OCA2: variants seen among roughly 807,000 people sequenced by gnomAD.
OCA2 encodes OCA2 melanosomal transmembrane protein.
OCA2 carries 77 observed loss-of-function variants against 100.2 expected under a neutral mutation model. That is an observed-to-expected ratio of 0.77 (90% CI 0.64 to 0.93). The LOEUF (loss-of-function observed/expected upper bound fraction) is 0.93. Among genes scored for constraint, OCA2 ranks in the 40% least tolerant of loss-of-function variants. The pLI is 0.00. For missense variants in OCA2, 1,062 were observed against 1,089.1 expected (o/e 0.98, Z 0.35); for synonymous variants, 432 against 439.2 (o/e 0.98, Z 0.21).
chr15:27,777,920 ACT>A (rs2032328419), intron 23 of OCA2, among the ~76,000 whole-genome samples: 1 of 152,168 alleles, frequency 6.6e-6, no homozygotes, highest in Non-Finnish European at 1.5e-5. Flanking sequence ...GGTACTCGTG[ACT>A]CTTTCTCAGA....
chr15:27,742,461 A>G, the OCA2 span, among the ~76,000 whole-genome samples: 1 of 152,136 alleles, frequency 6.6e-6, no homozygotes, highest in African/African-American at 2.4e-5. Flanking sequence ...GACAAAAGCC[A>G]ATCACCTCCC....
intron 1 of OCA2, among the ~76,000 whole-genome samples, chr15:28,094,918 C>A (rs548435158): frequency 4.0e-4 from 61 of 152,362 alleles, no homozygotes; most frequent in African/African-American, 1.4e-3. Flanking sequence ...GGCGCGGCGC[C>A]GGGCGTGGTC....
At chr15:28,076,569 C>T (rs1180110234) in intron 2 of OCA2, among the ~76,000 whole-genome samples, 2 of 152,018 alleles carry the variant, frequency 1.3e-5, no homozygotes, top group Admixed American at 6.6e-5. Context: ...ATAATTTGGC[C>T]GGGCGCGGTG....
chr15:27,735,239 C>G, the OCA2 span, among the ~76,000 whole-genome samples: 1 of 152,002 alleles, frequency 6.6e-6, no homozygotes, highest in African/African-American at 2.4e-5. Flanking sequence ...CAATAGAGAG[C>G]ATCAACGTTG....
chr15:27,917,685 C>G (rs1431445113), intron 19 of OCA2, among the ~76,000 whole-genome samples: 2 of 152,100 alleles, frequency 1.3e-5, no homozygotes, highest in Non-Finnish European at 2.9e-5. Context: ...AAGGTGAGGA[C>G]CTGTTACATA....
At chr15:27,813,023 G>A (rs553116587) in intron 23 of OCA2, among the ~76,000 whole-genome samples, 4 of 152,174 alleles carry the variant, frequency 2.6e-5, no homozygotes, top group African/African-American at 9.6e-5. Context: ...GTGTCCTACC[G>A]CACTCACATA....
At chr15:27,873,773 C>T (rs2036678868) in intron 19 of OCA2, among the ~76,000 whole-genome samples, 1 of 152,108 alleles carries the variant, frequency 6.6e-6, no homozygotes, top group African/African-American at 2.4e-5. Flanking sequence ...TAAATGATCT[C>T]TTAATTTAAA....
chr15:27,788,650 T>C (rs964825172), intron 23 of OCA2, among the ~76,000 whole-genome samples: 1 of 152,148 alleles, frequency 6.6e-6, no homozygotes, highest in African/African-American at 2.4e-5. Flanking sequence ...AAACCCTTTT[T>C]TAAAAATCTA....
intron 23 of OCA2, among the ~76,000 whole-genome samples, chr15:27,772,859 A>G (rs2151052654): frequency 6.7e-6 from 1 of 148,706 alleles, no homozygotes; most frequent in Non-Finnish European, 1.5e-5. Flanking sequence ...AAAAAAGGAA[A>G]AAAAGAAAAT....
intron 19 of OCA2, among the ~76,000 whole-genome samples, chr15:27,889,566 C>T (rs1344080907): frequency 6.6e-6 from 1 of 152,244 alleles, no homozygotes; most frequent in Admixed American, 6.5e-5. Flanking sequence ...CTCCTTCACA[C>T]TTCTGAGTCA....
At chr15:28,073,018 A>G (rs1182669914) in intron 2 of OCA2, among the ~76,000 whole-genome samples, 2 of 152,254 alleles carry the variant, frequency 1.3e-5, no homozygotes, top group East Asian at 1.9e-4. Context: ...TGCACTATTC[A>G]TAATAACAAA....
rs758377459 is a variant in OCA2 at position 27,851,448 on chromosome 15, C to T, written c.2272G>A (p.Asp758Asn). Residue 758 changes from aspartate to asparagine, a missense_variant, in exon 22 of 24, where the codon GAC becomes AAC. Transcript: ENST00000354638. ...MIPVLLNLSHDPEVGLPAPPL... is the reference protein window; with the variant it reads ...MIPVLLNLSHNPEVGLPAPPL... ...GGTGCGGGCAGGCCAACCTCAGGGT[C>T]GTGGCTCAGGTTCAGGAGCACGGGA... 10 of 1,613,688 alleles carry T rather than the reference C, an allele frequency of 6.2e-6. No individual in the cohort carries two copies. Among genetic ancestry groups the T allele is most frequent in the South Asian group, 3.3e-5 (3 of 90,936 alleles).
chr15:28,090,404 C>CA (rs1415679177), intron 1 of OCA2, among the ~76,000 whole-genome samples: 3 of 152,142 alleles, frequency 2.0e-5, no homozygotes, highest in African/African-American at 7.2e-5. Context: ...AATATTCTTA[C>CA]AAAGTGCCTA....
intron 19 of OCA2, among the ~76,000 whole-genome samples, chr15:27,875,036 A>C (rs971344053): frequency 1.3e-5 from 2 of 152,224 alleles, no homozygotes; most frequent in African/African-American, 4.8e-5. Flanking sequence ...GTAAGTTAAG[A>C]AAATGACAAA....
intron 23 of OCA2, among the ~76,000 whole-genome samples, chr15:27,842,866 C>T (rs1408397159): frequency 6.6e-6 from 1 of 152,152 alleles, no homozygotes; most frequent in African/African-American, 2.4e-5. Flanking sequence ...CACTGCACAC[C>T]AAATGCAAGA....
intron 19 of OCA2, among the ~76,000 whole-genome samples, chr15:27,888,514 G>GC (rs1400187806): frequency 6.6e-6 from 1 of 152,020 alleles, no homozygotes; most frequent in Non-Finnish European, 1.5e-5. Flanking sequence ...TTTTAAAGCA[G>GC]CCTTCCTAAA....
chr15:28,093,728 G>A (rs962489050), intron 1 of OCA2, among the ~76,000 whole-genome samples: 9 of 152,086 alleles, frequency 5.9e-5, no homozygotes, highest in African/African-American at 1.9e-4. Context: ...AATAGGCTGC[G>A]GTGCATGCAT....
At chr15:28,034,993 G>A (rs1314444863) in intron 2 of OCA2, among the ~76,000 whole-genome samples, 1 of 152,166 alleles carries the variant, frequency 6.6e-6, no homozygotes, top group East Asian at 1.9e-4. Flanking sequence ...GGAGAGTGGA[G>A]GCGCTATTGC....
chr15:27,996,118 A>C (rs2041719377), intron 9 of OCA2, among the ~76,000 whole-genome samples: 1 of 152,108 alleles, frequency 6.6e-6, no homozygotes, highest in Non-Finnish European at 1.5e-5. Flanking sequence ...GCCGCAACAC[A>C]CTCTTGAGCA....
Sources: allele counts gnomAD v4.1 joint callset (sites outside exome capture counted in the v4.1 genomes callset), GRCh38; gene constraint gnomAD v4.1.1; transcripts MANE v1.5; gene names NCBI Gene and HGNC (gene_info 2026-07-23, HGNC 2026-07-21).